Variants in CACNG7 observed in about 807,000 individuals in gnomAD.
CACNG7 encodes voltage-dependent calcium channel gamma-7 subunit.
Under a neutral mutation model 26.3 loss-of-function variants are expected in CACNG7, and 9 were observed. The observed-to-expected ratio is 0.34, with a 90% CI of 0.21 to 0.60. The LOEUF is 0.60. CACNG7 is among the 20% of genes least tolerant of loss of function. The pLI is 0.81. For synonymous variants in CACNG7, 170 were observed against 157.0 expected (o/e 1.08, Z -0.62); for missense variants, 297 against 380.4 (o/e 0.78, Z 1.82).
intron 4 of CACNG7, among the ~76,000 whole-genome samples, chr19:53,930,343 G>C (rs1404882279): frequency 6.6e-6 from 1 of 151,874 alleles, no homozygotes; most frequent in Non-Finnish European, 1.5e-5. Flanking sequence ...CGAATAGCTA[G>C]GACTACAGGC....
rs1174246383 is a variant in CACNG7, at chr19:53,939,342, T to C, written c.425-2128T>C. On this transcript the variant is annotated intron_variant, in intron 4 of 5. Transcript: ENST00000391767. This position sits in a 1 kb window ranked among gnomAD's most constrained non-coding sequence, Gnocchi z 4.2. ...TATAATTCAGTGATGTTTCAGTACATCCACAAGGTTGTGCAACCATCTCCA... is the reference window on the plus strand; with the variant it reads ...TATAATTCAGTGATGTTTCAGTACACCCACAAGGTTGTGCAACCATCTCCA... Among the ~76,000 whole-genome samples the C allele has an allele frequency of 2.6e-5, 4 of 152,144 alleles. No individual in the cohort carries two copies. The highest frequency in any genetic ancestry group is 5.9e-5 in the Non-Finnish European group (4 of 68,026).
rs1321730114 is a variant in CACNG7 at position 53,922,283 on chromosome 19, C to T, written c.424+6778C>T. On this transcript the variant is annotated intron_variant, in intron 4 of 5. Coordinates refer to ENST00000391767, the MANE Select transcript of CACNG7 (RefSeq NM_031896.5). ...CCAGGTCTGGTCATTGGTGCAGTTG[C>T]CCCAGGTCTGGTATTGGTGGAGTTG... Among the ~76,000 whole-genome samples the T allele has an allele frequency of 1.0e-3, 65 of 65,050 alleles. 1 individual carries two copies. The highest frequency in any genetic ancestry group is 2.5e-3 in the African/African-American group (28 of 11,202). The allele number at this position is 65,050 out of a possible 152,430, so 42.7% of individuals were successfully genotyped here.
intron 4 of CACNG7, among the ~76,000 whole-genome samples, chr19:53,933,347 T>TG (rs998049991): frequency 6.8e-6 from 1 of 147,294 alleles, no homozygotes; most frequent in Non-Finnish European, 1.5e-5. Flanking sequence ...GTCACCAGGC[T>TG]GGAGTGCAGT....
chr19:53,942,608 T>A lies in CACNG7; in HGVS notation c.*315T>A. On this transcript the variant is annotated 3_prime_UTR_variant, in exon 6 of 6. Transcript: ENST00000391767. The surrounding 1 kb of genome is among the most constrained non-coding windows in gnomAD (Gnocchi z 5.9). ...ATTAGCTCCTCCCTCGTTCTCCACC[T>A]GCTCTGAGCTGGGAGCAGCCAGAGG... The A allele has an allele frequency of 2.4e-6, 3 of 1,238,632 alleles. No individual in the cohort carries two copies. Among genetic ancestry groups the A allele is most frequent in the Non-Finnish European group, 3.1e-6 (3 of 982,316 alleles). 76.7% of individuals were successfully genotyped at this position (1,238,632 alleles called of 1,614,324 possible).
At chr19:53,911,710 G>C (rs1198226449) in intron 1 of CACNG7, among the ~76,000 whole-genome samples, 2 of 152,208 alleles carry the variant, frequency 1.3e-5, no homozygotes, top group African/African-American at 4.8e-5. Flanking sequence ...AACCCACAGG[G>C]CTGCGAGAGG....
intron 4 of CACNG7, among the ~76,000 whole-genome samples, chr19:53,935,435 G>A (rs542898555): frequency 3.7e-4 from 56 of 150,504 alleles, no homozygotes; most frequent in Non-Finnish European, 7.2e-4. Context: ...GGATTCTTGT[G>A]CCTCAGCCTC....
At chr19:53,941,924 A>T (rs752695327) in intron 5 of CACNG7, 112 bp from the exon 6 acceptor site, 4 of 1,341,954 alleles carry the variant, frequency 3.0e-6, no homozygotes, top group Non-Finnish European at 4.0e-6. Context: ...GGGTCCTGGG[A>T]TAGGAAGGGG....
chr19:53,935,634 CTTTTTT>C (rs59884893), intron 4 of CACNG7, among the ~76,000 whole-genome samples: 3 of 42,254 alleles, frequency 7.1e-5, no homozygotes, highest in East Asian at 9.9e-4. Context: ...CCAATACTGT[CTTTTTT>C]TTTTTTTTTT....
At chr19:53,922,159 G>T (rs1170407120) in intron 4 of CACNG7, among the ~76,000 whole-genome samples, 3 of 123,290 alleles carry the variant, frequency 2.4e-5, no homozygotes, top group Non-Finnish European at 3.3e-5. Flanking sequence ...CCCAGGTCTG[G>T]TCATTGGTGG....
intron 4 of CACNG7, among the ~76,000 whole-genome samples, chr19:53,926,518 C>T (rs569521146): frequency 1.3e-5 from 2 of 152,194 alleles, no homozygotes; most frequent in African/African-American, 2.4e-5. Flanking sequence ...CTTACCCTGG[C>T]GATACTATCA....
intron 4 of CACNG7, among the ~76,000 whole-genome samples, chr19:53,922,716 C>A (rs78705707): frequency 5.7e-5 from 3 of 52,630 alleles, no homozygotes; most frequent in East Asian, 5.0e-4. Flanking sequence ...GGTGGAGTTG[C>A]CCCAGGTCTG....
At chr19:53,915,952 A>G (rs1220172723) in intron 4 of CACNG7, among the ~76,000 whole-genome samples, 1 of 152,132 alleles carries the variant, frequency 6.6e-6, no homozygotes, top group Non-Finnish European at 1.5e-5. Flanking sequence ...AAGGCTGCTT[A>G]TTTTCTGTGC....
At chr19:53,934,307 G>A (rs1452499612) in intron 4 of CACNG7, among the ~76,000 whole-genome samples, 3 of 152,160 alleles carry the variant, frequency 2.0e-5, no homozygotes, top group South Asian at 2.1e-4. Context: ...TAACATTCAC[G>A]TTAAACATCA....
chr19:53,941,777 T>C, intron 5 of CACNG7, 162 bp downstream of exon 5: 1 of 944,830 alleles, frequency 1.1e-6, no homozygotes, highest in Non-Finnish European at 1.5e-6. Flanking sequence ...GGAAGAGGGG[T>C]CTGAGAGCTC....
intron 4 of CACNG7, among the ~76,000 whole-genome samples, chr19:53,929,111 CAAAAAAAAAACAA>C: frequency 2.7e-5 from 1 of 36,500 alleles, no homozygotes; most frequent in East Asian, 9.1e-4. Flanking sequence ...GACTCCACCT[CAAAAAAAAAACAA>C]AAAAAAAAAA....
chr19:53,924,647 G>T (rs993568171), intron 4 of CACNG7, among the ~76,000 whole-genome samples: 1 of 150,680 alleles, frequency 6.6e-6, no homozygotes, highest in African/African-American at 2.5e-5. Flanking sequence ...CTGGTCATTG[G>T]TGGAGTTGTC....
intron 4 of CACNG7, among the ~76,000 whole-genome samples, chr19:53,928,464 G>T (rs907050695): frequency 1.3e-5 from 2 of 151,766 alleles, no homozygotes; most frequent in Non-Finnish European, 2.9e-5. Flanking sequence ...TTGTAGAGAC[G>T]GGGTTTCACC....
At position 53,913,018 on chromosome 19, in the gene CACNG7, T is replaced by C. The variant is rs1439333890; in HGVS notation, c.187T>C (p.Phe63Leu). ...GCACGCCGGCCTCTGGCGAGTCTGC[T>C]TCTTTGCAGGTACAGCCCTCACCCG... is the stretch of plus-strand genomic sequence containing the variant. ...ALHAGLWRVC[F>L]FAGREKGRCV... The change falls in exon 2 of 6, where the codon TTC becomes CTC. Residue 63 changes from phenylalanine (F) to leucine (L), a missense_variant. Phe to Leu is a conservative substitution (Grantham distance 22). Coordinates refer to ENST00000391767, the MANE Select transcript of CACNG7 (RefSeq NM_031896.5). 1.2e-6 allele frequency: 2 copies of C among 1,610,524 alleles called. No individual in the cohort carries two copies. The highest frequency in any genetic ancestry group is 1.7e-5 in the Admixed American group (1 of 59,924).
Position 53,942,575 on chromosome 19 carries a change from C to T in CACNG7, c.*282C>T. 1 of 1,328,414 alleles carries T rather than the reference C, an allele frequency of 7.5e-7. No individual in the cohort carries two copies. The highest frequency in any genetic ancestry group is 3.4e-5 in the Admixed American group (1 of 29,022). 82.3% of individuals were successfully genotyped at this position (1,328,414 alleles called of 1,614,324 possible). On this transcript the variant is annotated 3_prime_UTR_variant, in exon 6 of 6. Transcript: ENST00000391767. This position sits in a 1 kb window ranked among gnomAD's most constrained non-coding sequence, Gnocchi z 5.9. ...GCCCCTTTCCTCTGGCCCCTCCTCTCCAAGAAAATTAGCTCCTCCCTCGTT... is the reference window on the plus strand; with the variant it reads ...GCCCCTTTCCTCTGGCCCCTCCTCTTCAAGAAAATTAGCTCCTCCCTCGTT...
Sources: allele counts gnomAD v4.1 joint callset (sites outside exome capture counted in the v4.1 genomes callset), GRCh38; gene constraint gnomAD v4.1.1; non-coding constraint Gnocchi (gnomAD v3.1); transcripts MANE v1.5; gene names NCBI Gene and HGNC (gene_info 2026-07-23, HGNC 2026-07-21).